Variants in RCOR1 observed in about 807,000 individuals in gnomAD.
RCOR1 encodes REST corepressor.
A neutral mutation model predicts 64.0 loss-of-function variants in RCOR1; 12 were observed. That is an observed-to-expected ratio of 0.19 (90% CI 0.12 to 0.30). RCOR1 has a LOEUF of 0.30. Among genes scored for constraint, RCOR1 ranks in the 10% least tolerant of loss-of-function variants. RCOR1 has a pLI of 1.00. For missense variants in RCOR1, 502 were observed against 621.2 expected, an observed-to-expected ratio of 0.81 and a Z score of 2.04; for synonymous variants, 279 against 227.2, an observed-to-expected ratio of 1.23 and a Z score of -2.05.
chr14:102,613,388 C>G (rs10782496), intron 2 of RCOR1, among the ~76,000 whole-genome samples: 83,837 of 151,518 alleles, frequency 0.55, 25,368 homozygotes, highest in South Asian at 0.7. Context: ...AGGTGTGAGC[C>G]ATCGCACCTG....
At chr14:102,719,484 G>A (rs1222762779) in intron 8 of RCOR1, among the ~76,000 whole-genome samples, 1 of 152,096 alleles carries the variant, frequency 6.6e-6, no homozygotes, top group African/African-American at 2.4e-5. Context: ...CCACCTATGA[G>A]TGAGAACATG....
chr14:102,628,120 T>C (rs978574916), intron 2 of RCOR1, among the ~76,000 whole-genome samples: 6 of 152,240 alleles, frequency 3.9e-5, no homozygotes, highest in South Asian at 2.1e-4. Context: ...GTGTCTCAGC[T>C]CAAGCAGTGA....
chr14:102,615,984 C>T (rs72702748), intron 2 of RCOR1, among the ~76,000 whole-genome samples: 5,689 of 152,246 alleles, frequency 0.037, 155 homozygotes, highest in Non-Finnish European at 0.05. Flanking sequence ...CTACACTACC[C>T]GCTTAGAGAT....
chr14:102,652,723 G>A (rs1031891680), intron 2 of RCOR1, among the ~76,000 whole-genome samples: 1 of 151,844 alleles, frequency 6.6e-6, no homozygotes, highest in African/African-American at 2.4e-5. Context: ...CCATAGATAC[G>A]TAACAACCAC....
intron 2 of RCOR1, 87 bp downstream of exon 2, chr14:102,593,412 C>A: frequency 7.3e-7 from 1 of 1,370,380 alleles, no homozygotes; most frequent in Non-Finnish European, 9.5e-7. Context: ...AGCCCGCCGA[C>A]AACTTTCTTT....
intron 3 of RCOR1, among the ~76,000 whole-genome samples, chr14:102,687,487 T>G (rs778681890): frequency 1.3e-5 from 2 of 152,342 alleles, no homozygotes; most frequent in East Asian, 1.9e-4. Context: ...TAATGAGAGA[T>G]ATAACTTATG....
chr14:102,612,411 C>T (rs1893650177), intron 2 of RCOR1, among the ~76,000 whole-genome samples: 1 of 151,730 alleles, frequency 6.6e-6, no homozygotes, highest in Admixed American at 6.6e-5. Context: ...TTGGGCCAGG[C>T]TGGTCTTGAA....
chr14:102,682,329 C>T (rs1228248132), intron 3 of RCOR1, among the ~76,000 whole-genome samples: 3 of 152,116 alleles, frequency 2.0e-5, no homozygotes, highest in Non-Finnish European at 4.4e-5. Context: ...GGGGTTTTGC[C>T]ATGTTGGCCA....
At position 102,632,655 on chromosome 14, in the gene RCOR1, TTTCCTTTCCTTTCCTTTCC is replaced by T. The variant is rs1280003664; in HGVS notation, c.361+39333_361+39351del. ...TTTCCTTTCCTTTCCTTTCCTTTCCTTTCCTTTCCTTTCCTTTCCTTTCCTTTTCCTTTTCCTTTTCCTT... is the reference window on the plus strand; with the variant it reads ...TTTCCTTTCCTTTCCTTTCCTTTCCTTTTCCTTTTCCTTTTCCTTTTCCTT... On this transcript the variant is annotated intron_variant, in intron 2 of 11. Transcript: ENST00000262241. 1.5e-3 allele frequency among the ~76,000 whole-genome samples: 96 copies of T among 66,072 alleles called. 1 individual carries two copies. The highest frequency in any genetic ancestry group is 4.4e-3 in the South Asian group (6 of 1,352). The allele number at this position is 66,072 out of a possible 152,430, so 43.3% of individuals were successfully genotyped here. A position where few individuals can be genotyped will look rare whatever the true frequency, so the allele number is the denominator to read the frequency against.
chr14:102,666,820 T>TC (rs1894923233), intron 2 of RCOR1, among the ~76,000 whole-genome samples: 1 of 152,168 alleles, frequency 6.6e-6, no homozygotes, highest in South Asian at 2.1e-4. Context: ...TGATGACTGC[T>TC]CATGTTGACC....
chr14:102,681,771 G>A, intron 2 of RCOR1, 124 bp from the exon 3 acceptor site: 1 of 649,238 alleles, frequency 1.5e-6, no homozygotes, highest in Admixed American at 2.4e-5. Flanking sequence ...CTGATGTTAA[G>A]TGTGGGGCCC....
At chr14:102,705,292 T>C (rs1291600983) in intron 4 of RCOR1, among the ~76,000 whole-genome samples, 2 of 152,200 alleles carry the variant, frequency 1.3e-5, no homozygotes, top group East Asian at 3.8e-4. Flanking sequence ...AAGTATGTCT[T>C]TCACTGGCTG....
intron 2 of RCOR1, among the ~76,000 whole-genome samples, chr14:102,634,319 G>A (rs111940918): frequency 5.3e-4 from 80 of 152,134 alleles, no homozygotes; most frequent in African/African-American, 1.8e-3. Context: ...GCTTCAGTGA[G>A]CTATATGATT....
At chr14:102,707,218 G>A in intron 4 of RCOR1, 133 bp from the exon 5 acceptor site, 1 of 644,152 alleles carries the variant, frequency 1.6e-6, no homozygotes, top group East Asian at 2.9e-5. Flanking sequence ...CTCTGACAGT[G>A]TCTGCCACTT....
At chr14:102,710,015 CA>C (rs1357576980) in intron 6 of RCOR1, among the ~76,000 whole-genome samples, 1 of 152,230 alleles carries the variant, frequency 6.6e-6, no homozygotes, top group African/African-American at 2.4e-5. Context: ...GGTGCTGCAG[CA>C]GCACCTGATA....
At chr14:102,720,228 G>A (rs1245444329) in intron 8 of RCOR1, among the ~76,000 whole-genome samples, 4 of 152,234 alleles carry the variant, frequency 2.6e-5, no homozygotes, top group East Asian at 3.9e-4. Flanking sequence ...TGCTTGACAC[G>A]GATATGCCCT....
At chr14:102,723,570 C>T (rs1595247687) in intron 11 of RCOR1, among the ~76,000 whole-genome samples, 1 of 152,190 alleles carries the variant, frequency 6.6e-6, no homozygotes, top group Admixed American at 6.5e-5. Flanking sequence ...TGAATCACCC[C>T]CATGCATAGC....
At chr14:102,624,545 C>A (rs574374670) in intron 2 of RCOR1, among the ~76,000 whole-genome samples, 1 of 151,744 alleles carries the variant, frequency 6.6e-6, no homozygotes, top group Non-Finnish European at 1.5e-5. Flanking sequence ...TAAAATAGAT[C>A]GCTTGAGCCC....
At chr14:102,605,751 A>T (rs1893493558) in intron 2 of RCOR1, among the ~76,000 whole-genome samples, 1 of 152,168 alleles carries the variant, frequency 6.6e-6, no homozygotes, top group Non-Finnish European at 1.5e-5. Context: ...AGCCTCAGGC[A>T]GGTCCTTCAG....
Sources: gnomAD v4.1 joint callset for allele counts (sites outside exome capture counted in the v4.1 genomes callset) on GRCh38, gnomAD v4.1.1 for gene constraint, MANE v1.5 for transcripts, NCBI Gene and HGNC (gene_info 2026-07-23, HGNC 2026-07-21) for gene names.